Variants in ANKS1B observed in about 807,000 individuals in gnomAD.
The protein encoded by ANKS1B is ankyrin repeat and sterile alpha motif domain containing 1B.
ANKS1B carries 36 observed loss-of-function variants against 148.3 expected under a neutral mutation model. The observed-to-expected ratio is 0.24, with a 90% CI of 0.19 to 0.32. ANKS1B has a LOEUF of 0.32. ANKS1B is among the 10% of genes least tolerant of loss of function. ANKS1B has a pLI of 1.00. For synonymous variants in ANKS1B, 542 were observed against 560.8 expected, an observed-to-expected ratio of 0.97 and a Z score of 0.47; for missense variants, 1,157 against 1,542.6, an observed-to-expected ratio of 0.75 and a Z score of 4.19.
intron 9 of ANKS1B, among the ~76,000 whole-genome samples, chr12:99,604,944 T>C (rs2097841243): frequency 6.6e-6 from 1 of 151,872 alleles, no homozygotes; most frequent in African/African-American, 2.4e-5. Context: ...CAAAGACTAA[T>C]ATGTGACCAC....
In ANKS1B at chr12:99,507,809, T is replaced by C. The variant is rs569533675; in HGVS notation, c.1273-3168A>G. Among the ~76,000 whole-genome samples the C allele has an allele frequency of 2.1e-4, 32 of 151,970 alleles. No individual in the cohort carries two copies. The South Asian group carries it at 6.2e-3, about 30-fold the overall frequency. On this transcript the variant is annotated intron_variant, in intron 9 of 26. Coordinates refer to ENST00000683438, the MANE Select transcript of ANKS1B (RefSeq NM_001352186.2). ...CTGACAAGTGACCGTCAAAAGAGGA[T>C]ATGCAAGATAATTTTTTTAAAAAAA...
intron 1 of ANKS1B, among the ~76,000 whole-genome samples, chr12:99,849,008 A>G (rs1043690374): frequency 2.0e-5 from 3 of 152,140 alleles, no homozygotes; most frequent in Non-Finnish European, 4.4e-5. Context: ...ACATGCACAT[A>G]AAGATGGGAA....
chr12:99,527,780 T>C (rs2096941567), intron 9 of ANKS1B, among the ~76,000 whole-genome samples: 1 of 151,762 alleles, frequency 6.6e-6, no homozygotes, highest in Admixed American at 6.6e-5. Context: ...TAGTTGTGAA[T>C]GAAATAATAA....
intron 15 of ANKS1B, among the ~76,000 whole-genome samples, chr12:99,093,165 C>T (rs2054659389): frequency 6.6e-6 from 1 of 152,160 alleles, no homozygotes; most frequent in Non-Finnish European, 1.5e-5. Context: ...TATTTACAGA[C>T]CATAGGGAGT....
At position 99,522,147 on chromosome 12, in the gene ANKS1B, T is replaced by C. The variant is rs529200333; in HGVS notation, c.1273-17506A>G. Reference sequence around the variant, plus strand: ...TTACTGTTTTTCTAATGCCTGATTATGGATCCTAGACTTGTTTTTGTACTT... The same window carrying C: ...TTACTGTTTTTCTAATGCCTGATTACGGATCCTAGACTTGTTTTTGTACTT... On this transcript the variant is annotated intron_variant, in intron 9 of 26. Coordinates refer to ENST00000683438, the MANE Select transcript of ANKS1B (RefSeq NM_001352186.2). 1.2e-4 allele frequency among the ~76,000 whole-genome samples: 19 copies of C among 152,350 alleles called. No homozygotes were observed. In the South Asian group the frequency reaches 3.7e-3, roughly 30 times the overall value.
intron 17 of ANKS1B, among the ~76,000 whole-genome samples, chr12:98,971,279 A>G (rs550927100): frequency 1.3e-3 from 193 of 152,374 alleles, no homozygotes; most frequent in African/African-American, 4.1e-3. Flanking sequence ...CATTAATTAA[A>G]TGAGATAACT....
intron 8 of ANKS1B, among the ~76,000 whole-genome samples, chr12:99,745,601 A>T (rs1055526558): frequency 2.6e-5 from 4 of 152,170 alleles, no homozygotes; most frequent in African/African-American, 9.6e-5. Flanking sequence ...ATCATTTTTA[A>T]TGGTTTATTT....
At chr12:99,809,428 G>C (rs2068059203) in intron 3 of ANKS1B, among the ~76,000 whole-genome samples, 3 of 151,320 alleles carry the variant, frequency 2.0e-5, no homozygotes. Context: ...AAGGATTAAT[G>C]AAATTTAAAG....
intron 1 of ANKS1B, among the ~76,000 whole-genome samples, chr12:99,977,673 G>T (rs1361600731): frequency 1.3e-5 from 2 of 152,158 alleles, no homozygotes; most frequent in Non-Finnish European, 2.9e-5. Context: ...CTTAAGAAAA[G>T]TTTCTAGATC....
chr12:99,722,609 T>G (rs1372421227), intron 8 of ANKS1B, among the ~76,000 whole-genome samples: 1 of 152,202 alleles, frequency 6.6e-6, no homozygotes, highest in Non-Finnish European at 1.5e-5. Flanking sequence ...GAGCTCTGAC[T>G]GGAGGTGTAC....
chr12:99,801,143 G>T (rs1257703681), intron 4 of ANKS1B, among the ~76,000 whole-genome samples: 1 of 152,122 alleles, frequency 6.6e-6, no homozygotes, highest in African/African-American at 2.4e-5. Context: ...TTTAGCCAAT[G>T]GATGGTAACC....
chr12:99,871,173 G>T (rs2091462939), intron 1 of ANKS1B, among the ~76,000 whole-genome samples: 1 of 152,206 alleles, frequency 6.6e-6, no homozygotes, highest in Admixed American at 6.5e-5. Context: ...TGTTGAATAG[G>T]GAGTCCTTTC....
intron 1 of ANKS1B, among the ~76,000 whole-genome samples, chr12:99,955,312 G>C (rs1423209378): frequency 6.6e-6 from 1 of 151,782 alleles, no homozygotes; most frequent in Non-Finnish European, 1.5e-5. Flanking sequence ...GGCTGACACG[G>C]TGAAACCCCG....
intron 12 of ANKS1B, among the ~76,000 whole-genome samples, chr12:99,378,873 C>A (rs1474295968): frequency 6.6e-6 from 1 of 152,106 alleles, no homozygotes; most frequent in Non-Finnish European, 1.5e-5. Flanking sequence ...GAGAGTAGAA[C>A]CAAACCCTAC....
At chr12:99,783,420 A>G (rs2064588826) in intron 4 of ANKS1B, among the ~76,000 whole-genome samples, 1 of 152,200 alleles carries the variant, frequency 6.6e-6, no homozygotes, top group South Asian at 2.1e-4. Context: ...TCAAAATTTG[A>G]AGCATATCAA....
At chr12:99,689,326 T>C (rs1216717797) in intron 8 of ANKS1B, among the ~76,000 whole-genome samples, 2 of 152,192 alleles carry the variant, frequency 1.3e-5, no homozygotes, top group Non-Finnish European at 2.9e-5. Flanking sequence ...GCCAGCCATG[T>C]AGAGATTAAG....
intron 15 of ANKS1B, among the ~76,000 whole-genome samples, chr12:99,099,397 A>G (rs1029407175): frequency 6.6e-6 from 1 of 152,184 alleles, no homozygotes; most frequent in African/African-American, 2.4e-5. Flanking sequence ...ATTTTCTGGG[A>G]CCCTGCTCTA....
intron 17 of ANKS1B, among the ~76,000 whole-genome samples, chr12:98,924,826 T>G (rs1356203329): frequency 6.6e-6 from 1 of 152,198 alleles, no homozygotes; most frequent in Non-Finnish European, 1.5e-5. Flanking sequence ...TTATTCCTTC[T>G]ACTCCACTCC....
At chr12:99,790,041 A>G (rs908538881) in intron 4 of ANKS1B, among the ~76,000 whole-genome samples, 4 of 152,184 alleles carry the variant, frequency 2.6e-5, no homozygotes, top group Admixed American at 2.6e-4. Flanking sequence ...GATGTAACCC[A>G]AAGAAGGCTA....
Sources: allele counts gnomAD v4.1 joint callset (sites outside exome capture counted in the v4.1 genomes callset), GRCh38; gene constraint gnomAD v4.1.1; transcripts MANE v1.5; gene names NCBI Gene and HGNC (gene_info 2026-07-23, HGNC 2026-07-21).